The following ARK2N variants were observed in gnomAD, a reference collection of about 807,000 sequenced individuals.
The protein encoded by ARK2N is arkadia (RNF111) N-terminal like PKA signaling regulator 2N.
At chr18:46,189,212 CAAAAAAAAAAA>C in the ARK2N span, among the ~76,000 whole-genome samples, 2 of 86,906 alleles carry the variant, frequency 2.3e-5, no homozygotes, top group African/African-American at 4.8e-5. Flanking sequence ...GAGACTGTCT[CAAAAAAAAAAA>C]AAAAAAAAAA....
chr18:46,242,396 GT>G, the ARK2N span, among the ~76,000 whole-genome samples: 4 of 152,142 alleles, frequency 2.6e-5, no homozygotes, highest in Admixed American at 6.5e-5. Flanking sequence ...AAAGTTTGCG[GT>G]TTTAAAATAT....
chr18:46,253,503 G>A, the ARK2N span, among the ~76,000 whole-genome samples: 1 of 152,188 alleles, frequency 6.6e-6, no homozygotes, highest in East Asian at 1.9e-4. Context: ...TACATCATGA[G>A]CATATATTCT....
the ARK2N span, among the ~76,000 whole-genome samples, chr18:46,230,916 A>G: frequency 2.0e-5 from 3 of 152,220 alleles, no homozygotes; most frequent in Non-Finnish European, 4.4e-5. Flanking sequence ...TGTTTTTGAT[A>G]ATCTAGCTAC....
At chr18:46,264,038 G>A in the ARK2N span, 1 of 152,280 alleles carries the variant, frequency 6.6e-6, no homozygotes, top group Non-Finnish European at 1.5e-5. Flanking sequence ...GTCTTTCATA[G>A]CTGGTCTCTG....
the ARK2N span, among the ~76,000 whole-genome samples, chr18:46,262,286 C>T: frequency 6.6e-6 from 1 of 152,078 alleles, no homozygotes; most frequent in Non-Finnish European, 1.5e-5. Flanking sequence ...CCGATAGAAC[C>T]CTTTTAGTGG....
the ARK2N span, among the ~76,000 whole-genome samples, chr18:46,224,887 G>A: frequency 6.6e-6 from 1 of 152,114 alleles, no homozygotes; most frequent in Non-Finnish European, 1.5e-5. Context: ...TACAATTTCC[G>A]AAGCAATAAT....
the ARK2N span, among the ~76,000 whole-genome samples, chr18:46,256,860 C>G: frequency 6.6e-6 from 1 of 152,138 alleles, no homozygotes; most frequent in Non-Finnish European, 1.5e-5. Flanking sequence ...GTATCAGTAG[C>G]CTGCTAATCT....
the ARK2N span, among the ~76,000 whole-genome samples, chr18:46,221,862 G>A: frequency 3.3e-5 from 5 of 152,192 alleles, no homozygotes; most frequent in African/African-American, 1.2e-4. Context: ...AAGGATTTCA[G>A]TGGCTAAAAG....
At chr18:46,228,181 CTT>C in the ARK2N span, among the ~76,000 whole-genome samples, 1 of 152,100 alleles carries the variant, frequency 6.6e-6, no homozygotes, top group Non-Finnish European at 1.5e-5. Flanking sequence ...AATCTACAGT[CTT>C]TACTTGAAGT....
the ARK2N span, chr18:46,216,035 T>C: frequency 6.2e-6 from 10 of 1,614,014 alleles, no homozygotes; most frequent in Admixed American, 3.3e-5. This position sits in a 1 kb window ranked among gnomAD's most constrained non-coding sequence, Gnocchi z 4.3. Context: ...TCTACAGTTA[T>C]TTCTTCAATG....
At chr18:46,264,502 G>A in the ARK2N span, 1 of 152,506 alleles carries the variant, frequency 6.6e-6, no homozygotes, top group African/African-American at 2.4e-5. Context: ...CCCTTTGCCT[G>A]TCTCTCCAAA....
At chr18:46,212,640 A>C in the ARK2N span, among the ~76,000 whole-genome samples, 16 of 152,168 alleles carry the variant, frequency 1.1e-4, no homozygotes, top group South Asian at 2.1e-4. Context: ...TTTTGACTGC[A>C]ATACCGGTTA....
the ARK2N span, among the ~76,000 whole-genome samples, chr18:46,260,879 G>C: frequency 2.0e-5 from 3 of 152,260 alleles, no homozygotes; most frequent in East Asian, 3.9e-4. Context: ...GTTGTCTTTT[G>C]GCCTAGGTTT....
At chr18:46,230,248 A>AT in the ARK2N span, among the ~76,000 whole-genome samples, 1 of 152,062 alleles carries the variant, frequency 6.6e-6, no homozygotes, top group Admixed American at 6.5e-5. Context: ...TAATATGTAC[A>AT]TTTTTTACAT....
chr18:46,216,864 T>G, the ARK2N span: 2 of 375,706 alleles, frequency 5.3e-6, no homozygotes, highest in Non-Finnish European at 9.8e-6. This position sits in a 1 kb window ranked among gnomAD's most constrained non-coding sequence, Gnocchi z 4.3. Flanking sequence ...CATAAGTCTG[T>G]CTGTAACACA....
At chr18:46,205,979 CTCTGCCTCCCAAA>C in the ARK2N span, among the ~76,000 whole-genome samples, 1 of 152,158 alleles carries the variant, frequency 6.6e-6, no homozygotes, top group South Asian at 2.1e-4. Context: ...ACCCTCCCAC[CTCTGCCTCCCAAA>C]GTGCTGGGAT....
the ARK2N span, among the ~76,000 whole-genome samples, chr18:46,206,430 C>G: frequency 7.2e-5 from 11 of 152,142 alleles, no homozygotes; most frequent in African/African-American, 2.2e-4. Flanking sequence ...TGTAGTCCCC[C>G]AAAGAGTGGT....
the ARK2N span, among the ~76,000 whole-genome samples, chr18:46,237,434 C>T: frequency 6.8e-6 from 1 of 146,916 alleles, no homozygotes; most frequent in East Asian, 2.0e-4. Context: ...GTTGCCCAGG[C>T]TGGAGTTCAG....
At chr18:46,260,646 C>G in the ARK2N span, among the ~76,000 whole-genome samples, 1 of 152,212 alleles carries the variant, frequency 6.6e-6, no homozygotes, top group African/African-American at 2.4e-5. Context: ...CTCTAAACCT[C>G]TCACTCTCCT....
Sources: allele counts gnomAD v4.1 joint callset (sites outside exome capture counted in the v4.1 genomes callset), GRCh38; gene constraint gnomAD v4.1.1; non-coding constraint Gnocchi (gnomAD v3.1); transcripts MANE v1.5; gene names NCBI Gene and HGNC (gene_info 2026-07-23, HGNC 2026-07-21).